The following TOGARAM2 variants were observed in gnomAD, a reference collection of about 807,000 sequenced individuals.
TOGARAM2 encodes the protein TOG array regulator of axonemal microtubules 2, also known as TOG array regulator of axonemal microtubules protein 2.
Under a neutral mutation model 93.3 loss-of-function variants are expected in TOGARAM2, and 85 were observed. The observed-to-expected ratio is 0.91, with a 90% CI of 0.76 to 1.09. TOGARAM2 has a LOEUF of 1.09. Among genes scored for constraint, TOGARAM2 ranks in the 50% least tolerant of loss-of-function variants. TOGARAM2 has a pLI of 0.00. For synonymous variants in TOGARAM2, 593 were observed against 552.8 expected (o/e 1.07, Z -1.02); for missense variants, 1,277 against 1,334.5 (o/e 0.96, Z 0.67).
intron 6 of TOGARAM2, among the ~76,000 whole-genome samples, chr2:29,005,446 T>C (rs543824207): frequency 3.1e-4 from 45 of 145,574 alleles, no homozygotes; most frequent in South Asian, 2.2e-3. Flanking sequence ...TGAGTGCATG[T>C]ATGTGAGAGC....
At chr2:28,990,321 C>T (rs1025856106) in intron 1 of TOGARAM2, among the ~76,000 whole-genome samples, 2 of 152,200 alleles carry the variant, frequency 1.3e-5, no homozygotes, top group South Asian at 4.1e-4. Flanking sequence ...GGAAGTCCTT[C>T]CAAGGCCCCA....
chr2:28,983,456 C>G (rs1015901069), intron 1 of TOGARAM2, among the ~76,000 whole-genome samples: 1 of 151,948 alleles, frequency 6.6e-6, no homozygotes, highest in Non-Finnish European at 1.5e-5. Context: ...CTAAACATTA[C>G]GCTGTGGCAT....
chr2:29,013,661 C>A lies in TOGARAM2; in HGVS notation c.878-734C>A, dbSNP rs72859119. Among the ~76,000 whole-genome samples, 505 of 152,296 alleles carry A rather than the reference C, an allele frequency of 3.3e-3. 2 individuals are homozygous for A. The highest frequency in any genetic ancestry group is 0.012 in the African/African-American group (489 of 41,562). On this transcript the variant is annotated intron_variant, in intron 7 of 19. Transcript: ENST00000379558. ...GGGGAGAAAGCAGGCAGCCAGAAGA[C>A]CCGGCAAGCAAGGTGATCCCACCTT...
At position 29,023,107 on chromosome 2, in the gene TOGARAM2, G is replaced by C. The variant is rs1317652864; in HGVS notation, c.1533G>C (p.Leu511=). The stretch of plus-strand genomic sequence containing the variant: ...TCAGGCAGATGAAGGAGAAGGGTCT[G>C]GTGAGCATCCAGCGCTTGGCAGCCT... ...SSDWQMKEKG[L]VSIQRLAACH... Residue 511 remains leucine, a synonymous_variant, in exon 12 of 20, where the codon CTG becomes CTC. Transcript: ENST00000379558. 6.3e-7 allele frequency: 1 copy of C among 1,598,460 alleles called. No individual in the cohort carries two copies. The highest frequency in any genetic ancestry group is 2.3e-5 in the East Asian group (1 of 44,320).
intron 1 of TOGARAM2, among the ~76,000 whole-genome samples, chr2:28,983,195 TATA>T (rs1356262794): frequency 4.7e-4 from 23 of 49,356 alleles, no homozygotes; most frequent in African/African-American, 8.2e-4. Context: ...TATATATATA[TATA>T]TTTTTTTTTT....
chr2:28,997,198 C>T (rs1048381078), intron 2 of TOGARAM2, among the ~76,000 whole-genome samples: 2 of 149,018 alleles, frequency 1.3e-5, no homozygotes, highest in Non-Finnish European at 3.0e-5. Context: ...GCAAACTATC[C>T]ATCCGACAAA....
chr2:29,051,950 G>T lies in TOGARAM2; in HGVS notation c.2917G>T (p.Ala973Ser), dbSNP rs769447595. 1.9e-6 allele frequency: 3 copies of T among 1,608,484 alleles called. No individual in the cohort carries two copies. The highest frequency in any genetic ancestry group is 2.5e-6 in the Non-Finnish European group (3 of 1,177,840). The change falls in exon 20 of 20, where the codon GCC (alanine) becomes TCC (serine). Residue 973 changes from alanine to serine, a missense_variant. Physicochemically the swap from Ala to Ser is moderately conservative, Grantham distance 99 (BLOSUM62 1). Coordinates refer to ENST00000379558, the MANE Select transcript of TOGARAM2 (RefSeq NM_199280.4). ...GGGCTCCCGCCTGCTGGACTTTGCC[G>T]CCAGCCAGCCAAAGCACGTCCTCAA... The part of the protein sequence containing the change: ...HMGSRLLDFA[A>S]SQPKHVLKTL...
intron 1 of TOGARAM2, among the ~76,000 whole-genome samples, chr2:28,989,685 G>A (rs1398823958): frequency 1.3e-5 from 2 of 152,180 alleles, no homozygotes. Flanking sequence ...GATTACAGGT[G>A]TGAGCCACCA....
At chr2:28,998,789 G>T (rs1673127778) in intron 3 of TOGARAM2, among the ~76,000 whole-genome samples, 1 of 152,164 alleles carries the variant, frequency 6.6e-6, no homozygotes, top group Admixed American at 6.5e-5. Context: ...GCTCTGAGAT[G>T]CCTGAGTTCC....
intron 1 of TOGARAM2, among the ~76,000 whole-genome samples, chr2:28,973,360 TTTCCTCCTTCC>T (rs1480063235): frequency 6.8e-6 from 1 of 147,602 alleles, no homozygotes; most frequent in Admixed American, 6.7e-5. Context: ...CCCTTCCTTC[TTTCCTCCTTCC>T]TTCCCTTCCT....
intron 1 of TOGARAM2, among the ~76,000 whole-genome samples, chr2:28,970,174 C>T (rs1205398519): frequency 1.3e-5 from 2 of 152,076 alleles, no homozygotes; most frequent in Non-Finnish European, 2.9e-5. Context: ...ATATTTTTCC[C>T]CTATTTTTGA....
At chr2:29,020,701 C>T (rs961771963) in intron 10 of TOGARAM2, among the ~76,000 whole-genome samples, 1 of 152,124 alleles carries the variant, frequency 6.6e-6, no homozygotes, top group Non-Finnish European at 1.5e-5. Context: ...CTGTATTGCT[C>T]GCTCCAGAAG....
intron 16 of TOGARAM2, 26 bp from the exon 17 acceptor site, chr2:29,035,438 G>T (rs1235358680): frequency 7.5e-7 from 1 of 1,336,322 alleles, no homozygotes; most frequent in Non-Finnish European, 9.7e-7. Context: ...TCCCTGGGGG[G>T]TTCAGACGCC....
chr2:29,048,229 C>G (rs1341357395), intron 19 of TOGARAM2: 1 of 151,976 alleles, frequency 6.6e-6, no homozygotes, highest in South Asian at 2.1e-4. Context: ...AAGACCTGCC[C>G]CCATGATTCA....
At chr2:29,041,530 G>A (rs1405510096) in intron 18 of TOGARAM2, among the ~76,000 whole-genome samples, 1 of 152,182 alleles carries the variant, frequency 6.6e-6, no homozygotes, top group Non-Finnish European at 1.5e-5. Flanking sequence ...TTGCTACCAT[G>A]TTTTCTACGC....
intron 18 of TOGARAM2, among the ~76,000 whole-genome samples, chr2:29,043,721 G>A (rs1347077199): frequency 6.6e-6 from 1 of 152,220 alleles, no homozygotes; most frequent in African/African-American, 2.4e-5. Context: ...TGGGAGCTTG[G>A]CATGCTGGTT....
intron 19 of TOGARAM2, chr2:29,048,956 A>G (rs1296446760): frequency 6.6e-6 from 1 of 150,812 alleles, no homozygotes. Context: ...TCCCGGTTCA[A>G]GCAATTCTCC....
chr2:28,977,061 T>C (rs1672049304), upstream of TOGARAM2, among the ~76,000 whole-genome samples: 1 of 152,160 alleles, frequency 6.6e-6, no homozygotes, highest in African/African-American at 2.4e-5. Flanking sequence ...CCAGCCTTTC[T>C]CCTCAGCCTG....
intron 6 of TOGARAM2, among the ~76,000 whole-genome samples, chr2:29,011,104 C>T (rs1416060853): frequency 6.6e-6 from 1 of 152,192 alleles, no homozygotes; most frequent in Non-Finnish European, 1.5e-5. Context: ...CCCTTGTTTA[C>T]TGCAGCTGCT....
Sources: allele counts gnomAD v4.1 joint callset (sites outside exome capture counted in the v4.1 genomes callset), GRCh38; gene constraint gnomAD v4.1.1; transcripts MANE v1.5; gene names NCBI Gene and HGNC (gene_info 2026-07-23, HGNC 2026-07-21).